Variants in NFKB1 observed in about 807,000 individuals in gnomAD.
The protein encoded by NFKB1 is nuclear factor kappa B subunit 1, also known as nuclear factor NF-kappa-B p105 subunit.
In NFKB1, 9 loss-of-function variants were observed where a neutral mutation model predicts 105.1. That is an observed-to-expected ratio of 0.09 (90% CI 0.05 to 0.15). The LOEUF is 0.15. NFKB1 is among the 10% of genes least tolerant of loss of function. The pLI is 1.00. For synonymous variants in NFKB1, 440 were observed against 442.2 expected, an observed-to-expected ratio of 1.00 and a Z score of 0.06; for missense variants, 830 against 1,203.7, an observed-to-expected ratio of 0.69 and a Z score of 4.59.
intron 6 of NFKB1, among the ~76,000 whole-genome samples, chr4:102,569,992 A>G (rs1724194884): frequency 6.6e-6 from 1 of 152,128 alleles, no homozygotes. Context: ...TAAACCCTGA[A>G]TATCAACAAT....
At chr4:102,610,421 G>C (rs905305735) in intron 19 of NFKB1, among the ~76,000 whole-genome samples, 154 bp from the exon 20 acceptor site, 1 of 152,180 alleles carries the variant, frequency 6.6e-6, no homozygotes, top group African/African-American at 2.4e-5. Flanking sequence ...AATTTCTCTG[G>C]ATATTCCAGT....
In NFKB1 at chr4:102,542,515, T is replaced by C. The variant is rs527409942; in HGVS notation, c.258+4559T>C. On this transcript the variant is annotated intron_variant, in intron 5 of 23. Coordinates refer to ENST00000226574, the MANE Select transcript of NFKB1 (RefSeq NM_003998.4). Reference sequence around the variant, plus strand: ...TTTGATAGCTCTCTCTCTCTCTCTCTGTCCTCTCTCTCTCTCAAATAAAAT... The same window carrying C: ...TTTGATAGCTCTCTCTCTCTCTCTCCGTCCTCTCTCTCTCTCAAATAAAAT... 1.5e-4 allele frequency among the ~76,000 whole-genome samples: 23 copies of C among 152,242 alleles called. No homozygotes were observed. The East Asian group carries it at 4.4e-3, about 29-fold the overall frequency.
chr4:102,611,986 G>A (rs1449400342), intron 20 of NFKB1, 58 bp from the exon 21 acceptor site: 22 of 1,387,964 alleles, frequency 1.6e-5, no homozygotes, highest in Non-Finnish European at 2.2e-5. Context: ...TAAAGAAACA[G>A]ACTGCCCTAG....
intron 7 of NFKB1, chr4:102,578,345 T>G (rs1234981177): frequency 6.5e-6 from 1 of 154,024 alleles, no homozygotes; most frequent in Non-Finnish European, 1.4e-5. Flanking sequence ...TATGACTATA[T>G]CCATCAGCGT....
chr4:102,596,717 A>G (rs1435190080), intron 14 of NFKB1, among the ~76,000 whole-genome samples: 1 of 152,122 alleles, frequency 6.6e-6, no homozygotes, highest in East Asian at 1.9e-4. Context: ...TTGCCTTAAA[A>G]TAGGAACTTT....
At position 102,579,001 on chromosome 4, in the gene NFKB1, G is replaced by T. The variant is rs146936581; in HGVS notation, c.692G>T (p.Arg231Leu). Residue 231 changes from arginine (R) to leucine (L), a missense_variant, in exon 8 of 24, where the codon CGC (arginine) becomes CTC (leucine). By Grantham distance (102) the Arg-to-Leu change is moderately radical (BLOSUM62 -2). Transcript: ENST00000226574. ...GATAGCACTGGCAGCTTCACAAGGC[G>T]CCTGGAACCCGTGGTATCAGACGCC... is the stretch of plus-strand genomic sequence containing the variant. ...LPDSTGSFTRRLEPVVSDAIY... is the reference protein window; with the variant it reads ...LPDSTGSFTRLLEPVVSDAIY... The T allele has an allele frequency of 3.1e-6, 5 of 1,614,056 alleles. No individual in the cohort carries two copies. The highest frequency in any genetic ancestry group is 2.2e-5 in the East Asian group (1 of 44,870).
chr4:102,567,161 G>A lies in NFKB1; in HGVS notation c.407+26G>A, dbSNP rs756102549. ...GTAAGTAGGGGTATATGATGCTGTGGAAGGTAGGAACAGATAGAATATGGG... is the reference window on the plus strand; with the variant it reads ...GTAAGTAGGGGTATATGATGCTGTGAAAGGTAGGAACAGATAGAATATGGG... On this transcript the variant is annotated intron_variant, in intron 6 of 23. Coordinates refer to ENST00000226574, the MANE Select transcript of NFKB1 (RefSeq NM_003998.4). 22 of 1,609,490 alleles carry A rather than the reference G, an allele frequency of 1.4e-5. No individual in the cohort carries two copies. The African/African-American group carries it at 2.5e-4, about 19-fold the overall frequency.
chr4:102,605,519 A>G (rs1371673120), intron 16 of NFKB1, among the ~76,000 whole-genome samples: 2 of 152,212 alleles, frequency 1.3e-5, no homozygotes, highest in Non-Finnish European at 2.9e-5. Flanking sequence ...TGATTTGTAT[A>G]AAGATACATT....
chr4:102,581,077 C>T (rs1033134669), intron 9 of NFKB1, among the ~76,000 whole-genome samples: 14 of 152,164 alleles, frequency 9.2e-5, no homozygotes, highest in Admixed American at 7.9e-4. Context: ...TCTCTGAACA[C>T]TTCCACAGAT....
chr4:102,608,056 A>C (rs1727988555), intron 19 of NFKB1, among the ~76,000 whole-genome samples: 1 of 152,220 alleles, frequency 6.6e-6, no homozygotes, highest in Non-Finnish European at 1.5e-5. Context: ...TTGATTCCTT[A>C]TAGAATTCTG....
At chr4:102,545,971 A>G (rs998994819) in intron 5 of NFKB1, among the ~76,000 whole-genome samples, 2 of 152,166 alleles carry the variant, frequency 1.3e-5, no homozygotes, top group African/African-American at 2.4e-5. Flanking sequence ...GATAAACCTC[A>G]GCTGGGCATA....
intron 6 of NFKB1, among the ~76,000 whole-genome samples, chr4:102,569,046 A>T (rs1405366633): frequency 6.6e-6 from 1 of 152,170 alleles, no homozygotes; most frequent in Non-Finnish European, 1.5e-5. Flanking sequence ...ATGAAAAGTC[A>T]GTACTCACTT....
At chr4:102,587,339 T>C (rs4648042) in intron 11 of NFKB1, among the ~76,000 whole-genome samples, 1 of 152,182 alleles carries the variant, frequency 6.6e-6, no homozygotes, top group Admixed American at 6.5e-5. Context: ...AAAATAGATT[T>C]CTTCTCCAGA....
At position 102,563,463 on chromosome 4, in the gene NFKB1, G is replaced by T. The variant is rs144946319; in HGVS notation, c.259-3524G>T. Reference sequence around the variant, plus strand: ...TAGTACTTAAAAAAAAAACTTTCAGGATGGTCATATTGTTTAAAGTTCTCT... The same window carrying T: ...TAGTACTTAAAAAAAAAACTTTCAGTATGGTCATATTGTTTAAAGTTCTCT... On this transcript the variant is annotated intron_variant, in intron 5 of 23. Transcript: ENST00000226574. Among the ~76,000 whole-genome samples, 571 of 152,114 alleles carry T rather than the reference G, an allele frequency of 3.8e-3. 5 individuals carry two copies. The highest frequency in any genetic ancestry group is 0.013 in the African/African-American group (557 of 41,476).
intron 1 of NFKB1, among the ~76,000 whole-genome samples, chr4:102,510,329 C>T (rs973350938): frequency 3.9e-5 from 6 of 152,064 alleles, no homozygotes; most frequent in Admixed American, 3.3e-4. Context: ...AAGTAAATAC[C>T]GAACAAGATA....
Position 102,514,947 on chromosome 4 carries a change from C to G in NFKB1, c.-7-10565C>G, listed in dbSNP as rs531411783. 8.5e-5 allele frequency among the ~76,000 whole-genome samples: 13 copies of G among 152,096 alleles called. No homozygotes were observed. The South Asian group carries it at 2.7e-3, about 32-fold the overall frequency. ...TAGCATTTGCATGATATAACTAGCC[C>G]AGTGTACCATCTTCATACATTTAAA... On this transcript the variant is annotated intron_variant, in intron 1 of 23. Coordinates refer to ENST00000226574, the MANE Select transcript of NFKB1 (RefSeq NM_003998.4).
intron 5 of NFKB1, among the ~76,000 whole-genome samples, chr4:102,566,252 A>T (rs1277921333): frequency 6.6e-6 from 1 of 152,202 alleles, no homozygotes; most frequent in African/African-American, 2.4e-5. Context: ...ATAAGAAATA[A>T]ATTACTTTAA....
At chr4:102,559,546 TC>T (rs1723234015) in intron 5 of NFKB1, among the ~76,000 whole-genome samples, 1 of 152,028 alleles carries the variant, frequency 6.6e-6, no homozygotes, top group African/African-American at 2.4e-5. Flanking sequence ...TGAGAAGTGA[TC>T]AGATAGAGGA....
intron 6 of NFKB1, among the ~76,000 whole-genome samples, chr4:102,568,980 G>A (rs1333758778): frequency 6.6e-6 from 1 of 152,030 alleles, no homozygotes; most frequent in Admixed American, 6.6e-5. Flanking sequence ...ATTTAATCAA[G>A]ATGCCACTTG....
Sources: allele counts gnomAD v4.1 joint callset (sites outside exome capture counted in the v4.1 genomes callset), GRCh38; gene constraint gnomAD v4.1.1; transcripts MANE v1.5; gene names NCBI Gene and HGNC (gene_info 2026-07-23, HGNC 2026-07-21).